GPR33: variants seen among roughly 807,000 people sequenced by gnomAD.
GPR33 encodes the protein probable G protein-coupled receptor 33.
A neutral mutation model predicts 3.1 loss-of-function variants in GPR33; 4 were observed. The ratio of observed to expected loss-of-function variants is 1.29; its 90% CI spans 0.64 to 2.96. The LOEUF is 2.96. GPR33 is among the 30% of genes most tolerant of loss of function. The pLI is 0.01. For synonymous variants in GPR33, 138 were observed against 142.0 expected, an observed-to-expected ratio of 0.97 and a Z score of 0.20; for missense variants, 390 against 388.9, an observed-to-expected ratio of 1.00 and a Z score of -0.02.
chr14:31,487,073 T>C (rs1224227279), intron 1 of GPR33, among the ~76,000 whole-genome samples: 1 of 152,152 alleles, frequency 6.6e-6, no homozygotes, highest in Non-Finnish European at 1.5e-5. Flanking sequence ...TATGAGAAAC[T>C]AGATACCCGA....
rs1322078978 is a variant in GPR33 at position 31,483,753 on chromosome 14, A to T, written c.213T>A (p.Ile71=). 1 of 1,536,102 alleles carries T rather than the reference A, an allele frequency of 6.5e-7. No individual in the cohort carries two copies. The highest frequency in any genetic ancestry group is 2.4e-5 in the East Asian group (1 of 40,924). The change falls in exon 2 of 2, where the codon ATT becomes ATA. Residue 71 remains isoleucine, a synonymous_variant. Transcript: ENST00000399285. ...TCATTGTTGAAATAAAATAAGAGAG[A>T]ATGAGATGAAAAAATAAGAGAGTAT... The part of the protein sequence containing the change: ...TVNTLLFFHL[I]LSYFISTMIL...
chr14:31,487,756 GAC>G (rs1428889806), intron 1 of GPR33, 139 bp downstream of exon 1: 1 of 152,704 alleles, frequency 6.5e-6, no homozygotes, highest in African/African-American at 2.4e-5. Context: ...CTTTCAGGAA[GAC>G]CCCACCTCCA....
chr14:31,487,431 A>AGTTTTT (rs2032430535), intron 1 of GPR33, among the ~76,000 whole-genome samples: 1 of 56,002 alleles, frequency 1.8e-5, no homozygotes, highest in African/African-American at 6.4e-5. Context: ...TAAGCCCCTC[A>AGTTTTT]GTTTTTTTTT....
At chr14:31,486,873 C>T (rs1185311803) in intron 1 of GPR33, among the ~76,000 whole-genome samples, 1 of 152,114 alleles carries the variant, frequency 6.6e-6, no homozygotes, top group African/African-American at 2.4e-5. Flanking sequence ...ATCAAAGTCT[C>T]TGTGGTGTTT....
chr14:31,483,367 C>T lies in GPR33; in HGVS notation c.599G>A (p.Trp200Ter). The T allele has an allele frequency of 6.5e-7, 1 of 1,536,172 alleles. No homozygotes were observed. Among genetic ancestry groups the T allele is most frequent in the Non-Finnish European group, 8.7e-7 (1 of 1,146,922 alleles). ...GCTGATGAAACAGGCCACATGAATC[C>T]ACTGCCTTGATGCTTGCATCTCCTT... Reference protein sequence around the residue: ...ESKEMQASRQWIHVACFISRF... With the variant: ...ESKEMQASRQ Residue 200 changes from tryptophan to a stop codon, truncating the protein, a stop_gained, in exon 2 of 2, where the codon TGG becomes TAG. Transcript: ENST00000399285. LOFTEE classifies it high-confidence loss of function.
intron 1 of GPR33, among the ~76,000 whole-genome samples, chr14:31,484,543 G>A (rs77494469): frequency 0.021 from 3,209 of 152,186 alleles, 39 homozygotes; most frequent in East Asian, 0.057. Flanking sequence ...GCTTGGCCTC[G>A]CAAAGTGTTG....
Position 31,483,972 on chromosome 14 carries a change from C to A in GPR33, c.-6-1G>T, listed in dbSNP as rs772618029. ...TAGAGTTGATCAGATCCATAATGACCTGTGGAGTGAGAAACAGTGAAAATA... is the reference window on the plus strand; with the variant it reads ...TAGAGTTGATCAGATCCATAATGACATGTGGAGTGAGAAACAGTGAAAATA... On this transcript the variant is annotated splice_acceptor_variant, in intron 1 of 1. Coordinates refer to ENST00000399285, the MANE Select transcript of GPR33 (RefSeq NM_001197184.3). LOFTEE classifies it low-confidence loss of function (5UTR_SPLICE). The A allele has an allele frequency of 2.0e-6, 3 of 1,499,766 alleles. No individual in the cohort carries two copies. Among genetic ancestry groups the A allele is most frequent in the Non-Finnish European group, 1.8e-6 (2 of 1,130,886 alleles). The allele number at this position is 1,499,766 out of a possible 1,614,324, so 92.9% of individuals were successfully genotyped here.
chr14:31,485,931 A>G (rs2032415714), intron 1 of GPR33, among the ~76,000 whole-genome samples: 1 of 152,234 alleles, frequency 6.6e-6, no homozygotes, highest in East Asian at 1.9e-4. Flanking sequence ...CAAAAATATA[A>G]ACCTGAGAAT....
intron 1 of GPR33, among the ~76,000 whole-genome samples, chr14:31,484,354 T>TC (rs2032395699): frequency 6.6e-6 from 1 of 152,088 alleles, no homozygotes; most frequent in South Asian, 2.1e-4. Flanking sequence ...TGATTACAGC[T>TC]CACTCAGCCT....
At chr14:31,487,454 T>TTTTTTTTTTTTTG in intron 1 of GPR33, among the ~76,000 whole-genome samples, 1 of 145,588 alleles carries the variant, frequency 6.9e-6, no homozygotes. Flanking sequence ...TTTTTTTTTT[T>TTTTTTTTTTTTTG]TTTCAGATGG....
chr14:31,485,567 G>A (rs536325438), intron 1 of GPR33, among the ~76,000 whole-genome samples: 1 of 150,840 alleles, frequency 6.6e-6, no homozygotes, highest in South Asian at 2.1e-4. Context: ...CTGGGAGGCA[G>A]AGGTTGCAGT....
Position 31,483,280 on chromosome 14 carries a change from G to A in GPR33, c.686C>T (p.Ala229Val). 1 of 1,536,062 alleles carries A rather than the reference G, an allele frequency of 6.5e-7. No homozygotes were observed. ...FIIIFCYERV[A>V]SKVKERSLFK... ...CAGGCTCCTCTCTTTCACCTTGCTGGCTACTCTTTCATAACAAAAGATGAT... is the reference window on the plus strand; with the variant it reads ...CAGGCTCCTCTCTTTCACCTTGCTGACTACTCTTTCATAACAAAAGATGAT... The change falls in exon 2 of 2, where the codon GCC (alanine) becomes GTC (valine). Residue 229 changes from alanine (A) to valine (V), a missense_variant. Transcript: ENST00000399285.
At chr14:31,484,218 A>G (rs992866906) in intron 1 of GPR33, among the ~76,000 whole-genome samples, 4 of 152,214 alleles carry the variant, frequency 2.6e-5, no homozygotes, top group African/African-American at 9.6e-5. Context: ...ATGAAATGAA[A>G]TAAATGTGAA....
At chr14:31,486,809 G>A (rs1317764927) in intron 1 of GPR33, among the ~76,000 whole-genome samples, 1 of 152,186 alleles carries the variant, frequency 6.6e-6, no homozygotes, top group Non-Finnish European at 1.5e-5. Flanking sequence ...ATGGTATAGT[G>A]TCCCTTTTCC....
At position 31,483,693 on chromosome 14, in the gene GPR33, G is replaced by A; in HGVS notation, c.273C>T (p.Asp91=). The A allele has an allele frequency of 6.5e-7, 1 of 1,536,124 alleles. No individual in the cohort carries two copies. The highest frequency in any genetic ancestry group is 8.7e-7 in the Non-Finnish European group (1 of 1,146,920). Residue 91 remains aspartate (D), a synonymous_variant, in exon 2 of 2, where the codon GAC becomes GAT. Transcript: ENST00000399285. ...AGGCAGTTCCAAAGTTCCAGTGATT[G>A]TCTTGAAGTTGGGAGGTGGCCATAA... is the stretch of plus-strand genomic sequence containing the variant. ...LPFMATSQLQ[D]NHWNFGTALC...
At chr14:31,487,512 T>C (rs541432706) in intron 1 of GPR33, among the ~76,000 whole-genome samples, 1 of 138,708 alleles carries the variant, frequency 7.2e-6, no homozygotes, top group Admixed American at 7.8e-5. Flanking sequence ...TGATCCTGGC[T>C]CACTGCAACC....
At chr14:31,486,358 C>G (rs2034447993) in intron 1 of GPR33, among the ~76,000 whole-genome samples, 1 of 152,166 alleles carries the variant, frequency 6.6e-6, no homozygotes, top group South Asian at 2.1e-4. Context: ...CTCAGCCTCC[C>G]AAAGTGCTAG....
At chr14:31,486,858 G>C (rs2032424387) in intron 1 of GPR33, among the ~76,000 whole-genome samples, 1 of 152,148 alleles carries the variant, frequency 6.6e-6, no homozygotes, top group East Asian at 1.9e-4. Context: ...TGGTGGTTCT[G>C]GGGAATCAAA....
intron 1 of GPR33, among the ~76,000 whole-genome samples, chr14:31,487,075 G>C (rs2032426775): frequency 6.6e-6 from 1 of 152,118 alleles, no homozygotes; most frequent in South Asian, 2.1e-4. Flanking sequence ...TGAGAAACTA[G>C]ATACCCGAAT....
Sources: gnomAD v4.1 joint callset for allele counts (sites outside exome capture counted in the v4.1 genomes callset) on GRCh38, gnomAD v4.1.1 for gene constraint, MANE v1.5 for transcripts, NCBI Gene and HGNC (gene_info 2026-07-23, HGNC 2026-07-21) for gene names.